Variants in ESR1 observed in about 807,000 individuals in gnomAD.
ESR1 encodes the protein estrogen receptor 1.
Under a neutral mutation model 52.7 loss-of-function variants are expected in ESR1, and 12 were observed. That is an observed-to-expected ratio of 0.23 (90% CI 0.15 to 0.37). The LOEUF (loss-of-function observed/expected upper bound fraction) is 0.37. Ranked by LOEUF, ESR1 falls within the 10% of genes least tolerant of loss-of-function variation. ESR1 has a pLI of 1.00. For synonymous variants in ESR1, 305 were observed against 316.8 expected (o/e 0.96, Z 0.39); for missense variants, 584 against 779.7 (o/e 0.75, Z 2.99).
At chr6:151,974,850 G>T (rs1295271907) in intron 4 of ESR1, among the ~76,000 whole-genome samples, 1 of 152,124 alleles carries the variant, frequency 6.6e-6, no homozygotes, top group East Asian at 1.9e-4. Flanking sequence ...CTCCCTCTCT[G>T]ACTCGCTCTG....
chr6:151,967,896 T>A (rs2038452659), intron 4 of ESR1, among the ~76,000 whole-genome samples: 1 of 152,264 alleles, frequency 6.6e-6, no homozygotes. Context: ...TAAGATGGTA[T>A]GTCGTTCTGG....
chr6:151,668,934 T>C (rs1283506117), intron 1 of ESR1, among the ~76,000 whole-genome samples: 1 of 151,900 alleles, frequency 6.6e-6, no homozygotes, highest in Non-Finnish European at 1.5e-5. Flanking sequence ...GGAGAGCACT[T>C]GGCATTTATG....
chr6:152,094,309 T>C lies in ESR1; in HGVS notation c.1370-76T>C. ...GGAAGGGCACTGGCTCATTGTTACA[T>C]CCCATGAACACTCTGGGTCTCCTAG... On this transcript the variant is annotated intron_variant, in intron 6 of 7. Coordinates refer to ENST00000206249, the MANE Select transcript of ESR1 (RefSeq NM_000125.4). This position sits in a 1 kb window ranked among gnomAD's most constrained non-coding sequence, Gnocchi z 4.6. 1.6e-6 allele frequency: 2 copies of C among 1,268,648 alleles called. No individual in the cohort carries two copies. Among genetic ancestry groups the C allele is most frequent in the African/African-American group, 2.9e-5 (2 of 68,438 alleles). 78.6% of individuals were successfully genotyped at this position (1,268,648 alleles called of 1,614,324 possible). A position where few individuals can be genotyped will look rare whatever the true frequency, so the allele number is the denominator to read the frequency against.
intron 4 of ESR1, among the ~76,000 whole-genome samples, chr6:151,970,191 C>T (rs1019976323): frequency 3.9e-5 from 6 of 151,934 alleles, no homozygotes; most frequent in Admixed American, 2.0e-4. Context: ...GCACAGTGCT[C>T]GGCATTCAGT....
intron 2 of ESR1, among the ~76,000 whole-genome samples, chr6:151,702,486 T>C (rs1289668326): frequency 6.6e-6 from 1 of 152,172 alleles, no homozygotes; most frequent in Non-Finnish European, 1.5e-5. Context: ...GGAAGCAAAA[T>C]GTGAGTGTGC....
chr6:152,126,437 G>T (rs2053475820), exon 7 of ESR1: 1 of 152,124 alleles, frequency 6.6e-6, no homozygotes, highest in African/African-American at 2.4e-5. Flanking sequence ...AAGAACAAAG[G>T]CAACTTGTTG....
chr6:151,829,002 T>A (rs967102798), intron 1 of ESR1, among the ~76,000 whole-genome samples: 1 of 152,244 alleles, frequency 6.6e-6, no homozygotes, highest in Non-Finnish European at 1.5e-5. Context: ...AACTTTCGCA[T>A]CAAAGAGGTC....
At chr6:151,688,800 G>A (rs1374601582), upstream of ESR1, among the ~76,000 whole-genome samples, 3 of 152,122 alleles carry the variant, frequency 2.0e-5, no homozygotes, top group Middle Eastern at 3.4e-3. Context: ...ATGTGCATAG[G>A]ATATATGTAA....
chr6:152,057,566 A>C (rs6941035), intron 5 of ESR1, among the ~76,000 whole-genome samples: 15,496 of 152,100 alleles, frequency 0.1, 1,785 homozygotes, highest in African/African-American at 0.29. Flanking sequence ...TCAGATGTAC[A>C]CCACAAAAAC....
intron 3 of ESR1, among the ~76,000 whole-genome samples, chr6:151,919,169 T>C (rs1414866417): frequency 6.6e-6 from 1 of 152,238 alleles, no homozygotes; most frequent in African/African-American, 2.4e-5. Context: ...CAAGCAATGG[T>C]AAACAAGACA....
chr6:152,101,320 T>A lies in ESR1; in HGVS notation c.*2354T>A, dbSNP rs9341074. ...ATATTTTTGGACAGTAGCTAATGGG[T>A]CAGTGGGTTCTTTTTAATGTTTATA... On this transcript the variant is annotated 3_prime_UTR_variant, in exon 8 of 8. Transcript: ENST00000206249. 9.3e-3 allele frequency: 2,168 copies of A among 232,546 alleles called. 37 individuals carry two copies. The highest frequency in any genetic ancestry group is 0.038 in the African/African-American group (1,743 of 45,382). 14.4% of individuals were successfully genotyped at this position (232,546 alleles called of 1,614,324 possible). A position where few individuals can be genotyped will look rare whatever the true frequency, so the allele number is the denominator to read the frequency against.
In ESR1 at chr6:152,098,700, A is replaced by C. The variant is rs2050836644; in HGVS notation, c.1554-32A>C. 1 of 1,589,594 alleles carries C rather than the reference A, an allele frequency of 6.3e-7. No individual in the cohort carries two copies. The highest frequency in any genetic ancestry group is 1.1e-5 in the South Asian group (1 of 90,096). ...ACTCCTGGGGCTCGGGTTGGCTCTA[A>C]AGTAGTCCTTTCTGTGTCTTCCCAC... On this transcript the variant is annotated intron_variant, in intron 7 of 7. Coordinates refer to ENST00000206249, the MANE Select transcript of ESR1 (RefSeq NM_000125.4). The surrounding 1 kb of genome is among the most constrained non-coding windows in gnomAD (Gnocchi z 5.1).
intron 4 of ESR1, among the ~76,000 whole-genome samples, chr6:151,982,917 T>A (rs1006512750): frequency 3.9e-5 from 6 of 152,178 alleles, no homozygotes; most frequent in Non-Finnish European, 1.5e-5. Flanking sequence ...ATTCGATCTC[T>A]GTTTAGCTTT....
intron 2 of ESR1, among the ~76,000 whole-genome samples, chr6:151,768,831 T>C (rs2128105838): frequency 6.6e-6 from 1 of 152,336 alleles, no homozygotes; most frequent in African/African-American, 2.4e-5. Context: ...GCAATAACCC[T>C]GGCTCTTATA....
At chr6:151,841,964 C>T (rs888386916) in intron 1 of ESR1, among the ~76,000 whole-genome samples, 7 of 152,204 alleles carry the variant, frequency 4.6e-5, no homozygotes, top group African/African-American at 1.7e-4. Flanking sequence ...AACAATTCTC[C>T]TGCTTTGGCC....
intron 1 of ESR1, among the ~76,000 whole-genome samples, chr6:151,660,107 A>G (rs867640153): frequency 2.6e-5 from 4 of 152,228 alleles, no homozygotes; most frequent in African/African-American, 9.6e-5. Context: ...CATTCATTAC[A>G]TGTGCTTATC....
intron 1 of ESR1, among the ~76,000 whole-genome samples, chr6:151,678,053 A>G (rs1778313306): frequency 6.6e-6 from 1 of 152,218 alleles, no homozygotes; most frequent in African/African-American, 2.4e-5. Flanking sequence ...GTTTGATTAT[A>G]GGTGTGTGAG....
At chr6:151,958,718 T>TATA (rs2037289304) in intron 4 of ESR1, among the ~76,000 whole-genome samples, 1 of 152,180 alleles carries the variant, frequency 6.6e-6, no homozygotes, top group Non-Finnish European at 1.5e-5. Flanking sequence ...GAACAGTTCT[T>TATA]ATATTGAAGG....
intron 3 of ESR1, among the ~76,000 whole-genome samples, chr6:151,901,727 G>A (rs1312704311): frequency 6.6e-6 from 1 of 152,238 alleles, no homozygotes; most frequent in Non-Finnish European, 1.5e-5. Flanking sequence ...GAGGGTGTGT[G>A]TTCGGGGGTG....
Sources: allele counts gnomAD v4.1 joint callset (sites outside exome capture counted in the v4.1 genomes callset), GRCh38; gene constraint gnomAD v4.1.1; non-coding constraint Gnocchi (gnomAD v3.1); transcripts MANE v1.5; gene names NCBI Gene and HGNC (gene_info 2026-07-23, HGNC 2026-07-21).